Variants in EBF3 observed in about 807,000 individuals in gnomAD.
The protein encoded by EBF3 is EBF transcription factor 3, also known as transcription factor COE3.
EBF3 carries 18 observed loss-of-function variants against 77.1 expected under a neutral mutation model. The observed-to-expected ratio is 0.23, with a 90% confidence interval of 0.16 to 0.35. The LOEUF (loss-of-function observed/expected upper bound fraction) is 0.35. EBF3 is among the 10% of genes least tolerant of loss of function. The pLI, the probability that EBF3 is intolerant of heterozygous loss-of-function variation, is 1.00. For synonymous variants in EBF3, 350 were observed against 343.5 expected (o/e 1.02, Z -0.21); for missense variants, 558 against 860.0 (o/e 0.65, Z 4.39).
rs903333394 is a variant in EBF3 at position 129,873,324 on chromosome 10, G to A, written c.781+128C>T. 34 of 1,152,736 alleles carry A rather than the reference G, an allele frequency of 2.9e-5. 1 individual carries two copies. The South Asian group carries it at 1.1e-3, about 38-fold the overall frequency. The allele number at this position is 1,152,736 out of a possible 1,614,324, so 71.4% of individuals were successfully genotyped here. Reference sequence around the variant, plus strand: ...CACCTCGGGGACACCCCCTCATCCTGCCTTGGTGCAGGAGGTCTGACCAAG... The same window carrying A: ...CACCTCGGGGACACCCCCTCATCCTACCTTGGTGCAGGAGGTCTGACCAAG... On this transcript the variant is annotated intron_variant, in intron 8 of 16. Transcript: ENST00000440978.
At chr10:129,931,505 C>T (rs751987060) in intron 6 of EBF3, among the ~76,000 whole-genome samples, 13 of 152,216 alleles carry the variant, frequency 8.5e-5, no homozygotes, top group Non-Finnish European at 4.4e-5. Context: ...TCTCTGAGAA[C>T]TGGGCCCTTA....
chr10:129,935,669 G>T lies in EBF3; in HGVS notation c.554+21589C>A, dbSNP rs563148501. ...AGCCTGGGCGTCCAGGGCACAGACA[G>T]CTCTCAGCCACCATTCCTCCTACGT... On this transcript the variant is annotated intron_variant, in intron 6 of 16. Coordinates refer to ENST00000440978, the MANE Select transcript of EBF3 (RefSeq NM_001375380.1). The surrounding 1 kb of genome is among the most constrained non-coding windows in gnomAD (Gnocchi z 4.2). 3.3e-5 allele frequency among the ~76,000 whole-genome samples: 5 copies of T among 152,332 alleles called. No homozygotes were observed. In the South Asian group the frequency reaches 1.0e-3, roughly 32 times the overall value.
intron 6 of EBF3, among the ~76,000 whole-genome samples, chr10:129,942,269 G>A (rs531212491): frequency 6.6e-6 from 1 of 152,294 alleles, no homozygotes; most frequent in African/African-American, 2.4e-5. Context: ...CATCTTTCTA[G>A]GGTGGTCCAG....
intron 6 of EBF3, among the ~76,000 whole-genome samples, chr10:129,912,233 G>A (rs1012481725): frequency 2.6e-5 from 4 of 152,142 alleles, no homozygotes; most frequent in African/African-American, 4.8e-5. Context: ...GCTGGACCCC[G>A]GAACCCTAGG....
rs973721351 is a variant in EBF3 at position 129,943,005 on chromosome 10, G to A, written c.554+14253C>T. Among the ~76,000 whole-genome samples, 1 of 152,112 alleles carries A rather than the reference G, an allele frequency of 6.6e-6. No homozygotes were observed. The highest frequency in any genetic ancestry group is 1.5e-5 in the Non-Finnish European group (1 of 68,022). On this transcript the variant is annotated intron_variant, in intron 6 of 16. Coordinates refer to ENST00000440978, the MANE Select transcript of EBF3 (RefSeq NM_001375380.1). This position sits in a 1 kb window ranked among gnomAD's most constrained non-coding sequence, Gnocchi z 8.8. ...TGCACTTATGTACTGCTTTCTAATG[G>A]GTGTTTTTCTCTGGATTCTAAGAGG...
At chr10:129,916,930 G>A (rs1311051221) in intron 6 of EBF3, among the ~76,000 whole-genome samples, 2 of 152,174 alleles carry the variant, frequency 1.3e-5, no homozygotes, top group African/African-American at 4.8e-5. Flanking sequence ...GACCCCCAAA[G>A]CCACATCCAG....
In EBF3 at chr10:129,944,249, T is replaced by C. The variant is rs1858010381; in HGVS notation, c.554+13009A>G. 6.6e-6 allele frequency among the ~76,000 whole-genome samples: 1 copy of C among 152,000 alleles called. No individual in the cohort carries two copies. The highest frequency in any genetic ancestry group is 1.5e-5 in the Non-Finnish European group (1 of 68,000). Reference sequence around the variant, plus strand: ...ATATATTGTTTATTTGCGGGTGGGGTCATTTCTCCTTTCAGATTGGTCAAT... The same window carrying C: ...ATATATTGTTTATTTGCGGGTGGGGCCATTTCTCCTTTCAGATTGGTCAAT... On this transcript the variant is annotated intron_variant, in intron 6 of 16. Transcript: ENST00000440978. This position sits in a 1 kb window ranked among gnomAD's most constrained non-coding sequence, Gnocchi z 5.1.
At chr10:129,888,549 G>C (rs1385681246) in intron 6 of EBF3, among the ~76,000 whole-genome samples, 1 of 152,224 alleles carries the variant, frequency 6.6e-6, no homozygotes, top group African/African-American at 2.4e-5. Flanking sequence ...GTGGAGGAAA[G>C]AAGGCCGGGG....
Position 129,867,784 on chromosome 10 carries a change from C to T in EBF3, c.910G>A (p.Glu304Lys). ...GCTGACCGAGTCCGCGGGCTTACCT[C>T]GCTCCACACCAACATAGTTCCGAAT... ...VVFGTMLVWS[E>K]LITPHAIRVQ... The change falls in exon 9 of 17, where the codon GAG (glutamate) becomes AAG (lysine). Residue 304 changes from glutamate to lysine, a missense_variant and splice_region_variant. Physicochemically the swap from Glu to Lys is moderately conservative, Grantham distance 56. Around this residue, in one of 5 missense-constraint regions of EBF3, gnomAD observed 112 missense variants for 207.7 expected, o/e 0.54. Transcript: ENST00000440978. 6.3e-7 allele frequency: 1 copy of T among 1,585,696 alleles called. No individual in the cohort carries two copies. Among genetic ancestry groups the T allele is most frequent in the Admixed American group, 1.7e-5 (1 of 57,398 alleles).
At chr10:129,911,837 A>G (rs1855545319) in intron 6 of EBF3, among the ~76,000 whole-genome samples, 1 of 152,194 alleles carries the variant, frequency 6.6e-6, no homozygotes, top group Non-Finnish European at 1.5e-5. Flanking sequence ...ACCCACAGGG[A>G]GGCCGGTTCG....
chr10:129,844,639 G>A (rs987992793), intron 11 of EBF3, among the ~76,000 whole-genome samples: 5 of 152,036 alleles, frequency 3.3e-5, no homozygotes, highest in South Asian at 2.1e-4. Context: ...CACTTTTTGT[G>A]CGTGCCATAC....
chr10:129,914,847 CAGTG>C (rs763761119), intron 6 of EBF3, among the ~76,000 whole-genome samples: 46 of 152,168 alleles, frequency 3.0e-4, no homozygotes, highest in Non-Finnish European at 1.5e-4. Context: ...AAGGGAGGCT[CAGTG>C]AGCAATAAAA....
intron 6 of EBF3, among the ~76,000 whole-genome samples, chr10:129,942,183 G>A (rs77964328): frequency 0.013 from 1,997 of 152,306 alleles, 18 homozygotes; most frequent in Non-Finnish European, 0.021. Flanking sequence ...CTTTTAGGAA[G>A]ATAAAAATTG....
At position 129,963,931 on chromosome 10, in the gene EBF3, T is replaced by G; in HGVS notation, c.-163A>C. ...CAGCCCGTCCCGGGCAGGCGCGACA[T>G]ACACCAGCGGCCGGGCGCTCCGGAC... is the stretch of plus-strand genomic sequence containing the variant. On this transcript the variant is annotated 5_prime_UTR_variant, in exon 1 of 17. An upstream start codon of the reference 5' UTR is lost. Coordinates refer to ENST00000440978, the MANE Select transcript of EBF3 (RefSeq NM_001375380.1). The surrounding 1 kb of genome is among the most constrained non-coding windows in gnomAD (Gnocchi z 7.1). 9.3e-7 allele frequency: 1 copy of G among 1,069,540 alleles called. No homozygotes were observed. The highest frequency in any genetic ancestry group is 1.1e-6 in the Non-Finnish European group (1 of 886,390). 66.3% of individuals were successfully genotyped at this position (1,069,540 alleles called of 1,614,324 possible). A position where few individuals can be genotyped will look rare whatever the true frequency, so the allele number is the denominator to read the frequency against.
intron 6 of EBF3, among the ~76,000 whole-genome samples, chr10:129,882,117 G>A (rs898326665): frequency 3.3e-5 from 5 of 152,258 alleles, no homozygotes; most frequent in African/African-American, 1.2e-4. Context: ...CTATTTCTGT[G>A]TGTTTAAGCT....
intron 4 of EBF3, among the ~76,000 whole-genome samples, chr10:129,960,590 C>T (rs1212303171): frequency 6.7e-6 from 1 of 150,278 alleles, no homozygotes; most frequent in Non-Finnish European, 1.5e-5. Context: ...CGGTTCAGCG[C>T]CATTGACTCT....
In EBF3 at chr10:129,935,984, C is replaced by CA. The variant is rs1564905657; in HGVS notation, c.554+21273_554+21274insT. On this transcript the variant is annotated intron_variant, in intron 6 of 16. Coordinates refer to ENST00000440978, the MANE Select transcript of EBF3 (RefSeq NM_001375380.1). This position sits in a 1 kb window ranked among gnomAD's most constrained non-coding sequence, Gnocchi z 4.2. Reference sequence around the variant, plus strand: ...CGGGGGGCTTCCTGAAGCTGCCCCCCCCGCCCAACAATGCAGCTGGTGCCC... The same window carrying CA: ...CGGGGGGCTTCCTGAAGCTGCCCCCCACCGCCCAACAATGCAGCTGGTGCCC... 1.1e-4 allele frequency among the ~76,000 whole-genome samples: 17 copies of CA among 150,884 alleles called. No homozygotes were observed. The highest frequency in any genetic ancestry group is 4.0e-4 in the African/African-American group (16 of 40,190).
At chr10:129,853,121 C>T (rs76217111) in intron 10 of EBF3, among the ~76,000 whole-genome samples, 5,702 of 152,264 alleles carry the variant, frequency 0.037, 204 homozygotes, top group Admixed American at 0.088. Flanking sequence ...CAGTGTGCGC[C>T]GCCTGTAAGT....
intron 11 of EBF3, chr10:129,846,036 C>T (rs747683437): frequency 6.7e-6 from 1 of 149,134 alleles, no homozygotes; most frequent in African/African-American, 2.5e-5. Context: ...CACTTAGAGA[C>T]GTCTTCCCTT....
Sources: allele counts gnomAD v4.1 joint callset (sites outside exome capture counted in the v4.1 genomes callset), GRCh38; gene constraint gnomAD v4.1.1; regional missense constraint gnomAD v4.1.1; non-coding constraint Gnocchi (gnomAD v3.1); transcripts MANE v1.5; gene names NCBI Gene and HGNC (gene_info 2026-07-23, HGNC 2026-07-21).